Variants in ZMPSTE24 observed in about 807,000 individuals in gnomAD.
ZMPSTE24 encodes the protein zinc metallopeptidase STE24.
Under a neutral mutation model 56.7 loss-of-function variants are expected in ZMPSTE24, and 48 were observed. The observed-to-expected ratio is 0.85, with a 90% CI of 0.67 to 1.08. ZMPSTE24 has a LOEUF of 1.08. Among genes scored for constraint, ZMPSTE24 ranks in the 50% least tolerant of loss-of-function variants. The pLI is 0.00. For missense variants in ZMPSTE24, 503 were observed against 548.7 expected (o/e 0.92, Z 0.83); for synonymous variants, 172 against 195.2 (o/e 0.88, Z 0.99).
In ZMPSTE24 at chr1:40,270,017, G is replaced by T. The variant is rs1354988476; in HGVS notation, c.517G>T (p.Val173Leu). 1.2e-6 allele frequency: 2 copies of T among 1,613,720 alleles called. No homozygotes were observed. Among genetic ancestry groups the T allele is most frequent in the East Asian group, 2.2e-5 (1 of 44,824 alleles). Residue 173 changes from valine (V) to leucine (L), a missense_variant, in exon 5 of 10, where the codon GTG becomes TTG. Physicochemically the swap from Val to Leu is conservative, Grantham distance 32. Transcript: ENST00000372759. ...FMKDAIKKFVVTQCILLPVSS... is the reference protein window; with the variant it reads ...FMKDAIKKFVLTQCILLPVSS... ...GAAAGATGCAATCAAGAAATTTGTT[G>T]TGACTCAGTGTATTTTGTTGCCTGT...
chr1:40,286,239 T>G (rs977785947), intron 8 of ZMPSTE24, among the ~76,000 whole-genome samples: 1 of 152,088 alleles, frequency 6.6e-6, no homozygotes, highest in Non-Finnish European at 1.5e-5. Flanking sequence ...TAATACCTCA[T>G]AGGACTGGTT....
intron 4 of ZMPSTE24, among the ~76,000 whole-genome samples, chr1:40,269,426 T>C (rs1252769695): frequency 6.6e-6 from 1 of 152,030 alleles, no homozygotes; most frequent in Non-Finnish European, 1.5e-5. Context: ...TGTTATAAAC[T>C]CCTTTAGCAC....
Position 40,281,481 on chromosome 1 carries a change from G to T in ZMPSTE24, c.908G>T (p.Arg303Leu). Residue 303 changes from arginine to leucine, a missense_variant, in exon 7 of 10, where the codon CGC (arginine) becomes CTC (leucine). Arg to Leu is a moderately radical substitution (Grantham distance 102). Coordinates refer to ENST00000372759, the MANE Select transcript of ZMPSTE24 (RefSeq NM_005857.5). ...DIQEDSGMEP[R>L]NEEEGNSEEI... ...CAGGAGGATTCTGGCATGGAACCCC[G>T]CAATGAGGAAGAAGGGAACAGTGAA... 3 of 1,614,060 alleles carry T rather than the reference G, an allele frequency of 1.9e-6. No homozygotes were observed. The highest frequency in any genetic ancestry group is 1.7e-6 in the Non-Finnish European group (2 of 1,179,976).
chr1:40,289,297 A>G (rs1402832836), intron 8 of ZMPSTE24, among the ~76,000 whole-genome samples: 1 of 152,274 alleles, frequency 6.6e-6, no homozygotes, highest in Non-Finnish European at 1.5e-5. Flanking sequence ...ACAGATTAAC[A>G]TAGCACCCAG....
intron 6 of ZMPSTE24, among the ~76,000 whole-genome samples, chr1:40,274,403 T>G (rs775945495): frequency 6.6e-6 from 1 of 152,220 alleles, no homozygotes; most frequent in Non-Finnish European, 1.5e-5. Flanking sequence ...CAAAATATTA[T>G]CAGATAGCAA....
At chr1:40,290,625 T>C (rs1643831840) in intron 8 of ZMPSTE24, 2 of 406,632 alleles carry the variant, frequency 4.9e-6, no homozygotes, top group African/African-American at 2.1e-5. Context: ...CACGTCCGGC[T>C]AATTTTTTCT....
At chr1:40,265,190 G>C (rs1047980143) in intron 2 of ZMPSTE24, among the ~76,000 whole-genome samples, 3 of 152,126 alleles carry the variant, frequency 2.0e-5, no homozygotes, top group Non-Finnish European at 4.4e-5. Flanking sequence ...AATAATAGTT[G>C]CTGTGGCCTT....
At chr1:40,266,761 GTTTTT>G (rs3075102) in intron 2 of ZMPSTE24, among the ~76,000 whole-genome samples, 4 of 88,116 alleles carry the variant, frequency 4.5e-5, no homozygotes, top group African/African-American at 1.9e-4. Flanking sequence ...TTTCGAACAA[GTTTTT>G]TTTTTTTTTT....
At chr1:40,267,701 G>T (rs1643569513) in intron 2 of ZMPSTE24, 85 bp from the exon 3 acceptor site, 4 of 1,095,202 alleles carry the variant, frequency 3.7e-6, no homozygotes, top group Non-Finnish European at 4.2e-6. Context: ...TGATTATTTT[G>T]TCCTTTCTTT....
chr1:40,283,435 G>T (rs1260471100), intron 7 of ZMPSTE24, among the ~76,000 whole-genome samples: 2 of 152,060 alleles, frequency 1.3e-5, no homozygotes, highest in African/African-American at 4.8e-5. Context: ...AACCTGGGAG[G>T]TGGAGGTTAC....
At chr1:40,276,694 C>T (rs12757549) in intron 6 of ZMPSTE24, among the ~76,000 whole-genome samples, 15,775 of 152,136 alleles carry the variant, frequency 0.1, 903 homozygotes, top group South Asian at 0.15. Flanking sequence ...CTGAGAAATG[C>T]GCCATTAGGC....
Position 40,292,467 on chromosome 1 carries a change from T to C in ZMPSTE24, c.1226T>C (p.Val409Ala). The change falls in exon 10 of 10, where the codon GTC becomes GCC. Residue 409 changes from valine to alanine, a missense_variant. Transcript: ENST00000372759. ...YNEVLSFCLTVLSRRFEFQAD... is the reference protein window; with the variant it reads ...YNEVLSFCLTALSRRFEFQAD... ...CAGGTTCTTTCTTTTTGCCTAACAG[T>C]CCTAAGCCGCAGATTTGAGTTTCAA... The C allele has an allele frequency of 6.2e-7, 1 of 1,614,100 alleles. No homozygotes were observed. Among genetic ancestry groups the C allele is most frequent in the South Asian group, 1.1e-5 (1 of 91,080 alleles).
chr1:40,289,816 C>T (rs754425940), intron 8 of ZMPSTE24, among the ~76,000 whole-genome samples: 3 of 152,124 alleles, frequency 2.0e-5, no homozygotes, highest in Non-Finnish European at 4.4e-5. Context: ...TGGTACAGCT[C>T]CAGTGGGCCT....
At chr1:40,268,361 G>T (rs1301109351) in intron 3 of ZMPSTE24, 58 bp from the exon 4 acceptor site, 9 of 1,124,030 alleles carry the variant, frequency 8.0e-6, no homozygotes, top group Non-Finnish European at 1.1e-5. Flanking sequence ...GCAAATACTT[G>T]TTGATTTGTT....
rs778891775 is a variant in ZMPSTE24 at position 40,270,129 on chromosome 1, T to G, written c.627+2T>G. 2 of 1,613,942 alleles carry G rather than the reference T, an allele frequency of 1.2e-6. No homozygotes were observed. Among genetic ancestry groups the G allele is most frequent in the South Asian group, 1.1e-5 (1 of 91,082 alleles). On this transcript the variant is annotated splice_donor_variant, in intron 5 of 9. Transcript: ENST00000372759. LOFTEE classifies it high-confidence loss of function. Reference sequence around the variant, plus strand: ...CTGTTCACATTAGTTGTGTCTCTGGTGAGTAAAATCTTTATTTCGTTTTCT... The same window carrying G: ...CTGTTCACATTAGTTGTGTCTCTGGGGAGTAAAATCTTTATTTCGTTTTCT...
At position 40,258,319 on chromosome 1, in the gene ZMPSTE24, GA is replaced by G. The variant is rs281875360; in HGVS notation, c.50del (p.Lys17SerfsTer21). On this transcript the variant is annotated frameshift_variant, in exon 1 of 10. Coordinates refer to ENST00000372759, the MANE Select transcript of ZMPSTE24 (RefSeq NM_005857.5). LOFTEE classifies it high-confidence loss of function. ...LDALWEMPAE[K>X]RIFGAVLLFS... is the part of the protein sequence containing the mutation. ...ACGCTTTGTGGGAGATGCCGGCCGA[GA>G]AGCGTATCTTCGGGGCCGTGCTGCT... 1.4e-5 allele frequency: 23 copies of G among 1,614,062 alleles called. No homozygotes were observed. Among genetic ancestry groups the G allele is most frequent in the Non-Finnish European group, 1.9e-5 (22 of 1,180,050 alleles).
At chr1:40,284,863 A>G (rs1309449414) in intron 7 of ZMPSTE24, among the ~76,000 whole-genome samples, 1 of 149,342 alleles carries the variant, frequency 6.7e-6, no homozygotes, top group Admixed American at 6.7e-5. Context: ...GAATCATACT[A>G]TATATTTTTA....
chr1:40,287,547 C>T (rs1367939081), intron 8 of ZMPSTE24, among the ~76,000 whole-genome samples: 4 of 151,722 alleles, frequency 2.6e-5, no homozygotes, highest in Non-Finnish European at 2.9e-5. Flanking sequence ...CGTGGTGGCA[C>T]GCCTGTAATC....
chr1:40,285,177 G>A (rs1339737559), intron 7 of ZMPSTE24, among the ~76,000 whole-genome samples: 1 of 139,114 alleles, frequency 7.2e-6, no homozygotes, highest in Non-Finnish European at 1.5e-5. Flanking sequence ...CGTGATCTCA[G>A]CTCACTGGTG....
Sources: gnomAD v4.1 joint callset for allele counts (sites outside exome capture counted in the v4.1 genomes callset) on GRCh38, gnomAD v4.1.1 for gene constraint, MANE v1.5 for transcripts, NCBI Gene and HGNC (gene_info 2026-07-23, HGNC 2026-07-21) for gene names.